The following USP45 variants were observed in gnomAD, a reference collection of about 807,000 sequenced individuals.
USP45 encodes the protein ubiquitin carboxyl-terminal hydrolase 45.
Under a neutral mutation model 95.8 loss-of-function variants are expected in USP45, and 89 were observed. The observed-to-expected ratio is 0.93, with a 90% CI of 0.78 to 1.11. The LOEUF (loss-of-function observed/expected upper bound fraction) is 1.11. USP45 is among the 50% of genes least tolerant of loss of function. The pLI is 0.00. For synonymous variants in USP45, 281 were observed against 316.2 expected, an observed-to-expected ratio of 0.89 and a Z score of 1.18; for missense variants, 898 against 942.5, an observed-to-expected ratio of 0.95 and a Z score of 0.62.
chr6:99,464,801 A>G, intron 12 of USP45, 54 bp from the exon 13 acceptor site: 1 of 1,508,894 alleles, frequency 6.6e-7, no homozygotes, highest in Non-Finnish European at 8.8e-7. Context: ...TAAATTCTGG[A>G]TGTCCTCATC....
chr6:99,507,822 G>A (rs1156247043), intron 3 of USP45, among the ~76,000 whole-genome samples: 1 of 152,166 alleles, frequency 6.6e-6, no homozygotes, highest in East Asian at 1.9e-4. Flanking sequence ...GGCCAGTGGT[G>A]CCCTTCTGCA....
chr6:99,472,907 C>T (rs2128661259), intron 9 of USP45, among the ~76,000 whole-genome samples: 1 of 152,238 alleles, frequency 6.6e-6, no homozygotes, highest in South Asian at 2.1e-4. Context: ...GTTTGGGAGT[C>T]AGAAAGACTT....
chr6:99,466,235 G>A (rs1156905356), intron 11 of USP45, among the ~76,000 whole-genome samples: 1 of 152,234 alleles, frequency 6.6e-6, no homozygotes, highest in Middle Eastern at 3.4e-3. Context: ...GGCCAGGCTA[G>A]TCTTGAATTC....
rs564803273 is a variant in USP45 at position 99,454,748 on chromosome 6, T to C, written c.1309-8285A>G. On this transcript the variant is annotated intron_variant, in intron 13 of 17. Coordinates refer to ENST00000500704, the MANE Select transcript of USP45 (RefSeq NM_001346022.3). ...TTCAAGAATGTGGAGAAAAGGAGTC[T>C]GAAACACGGTTGGTGGGAATGTAAT... Among the ~76,000 whole-genome samples, 5 of 152,328 alleles carry C rather than the reference T, an allele frequency of 3.3e-5. No homozygotes were observed. In the East Asian group the frequency reaches 9.6e-4, roughly 29 times the overall value.
rs140840671 is a variant in USP45 at position 99,480,532 on chromosome 6, G to A, written c.845+2221C>T. 2.3e-3 allele frequency among the ~76,000 whole-genome samples: 344 copies of A among 152,128 alleles called. 2 individuals carry two copies. Among genetic ancestry groups the A allele is most frequent in the Middle Eastern group, 6.8e-3 (2 of 294 alleles). On this transcript the variant is annotated intron_variant, in intron 8 of 17. Transcript: ENST00000500704. ...CTCTAGTAAAAATACAAAATTAGCC[G>A]GGTGTGGTAGCGGGCGCCTGTAATC...
intron 1 of USP45, among the ~76,000 whole-genome samples, chr6:99,513,990 G>T (rs1583520089): frequency 1.3e-5 from 2 of 152,106 alleles, no homozygotes; most frequent in Admixed American, 1.3e-4. Context: ...TAAAAGCCCA[G>T]TACCACTAGG....
chr6:99,474,081 T>C (rs1207020048), intron 9 of USP45, among the ~76,000 whole-genome samples: 1 of 152,264 alleles, frequency 6.6e-6, no homozygotes, highest in East Asian at 1.9e-4. Context: ...GAGAGAGTAA[T>C]TAACTCAATC....
At chr6:99,513,080 A>G (rs757446623) in intron 1 of USP45, among the ~76,000 whole-genome samples, 10 of 152,196 alleles carry the variant, frequency 6.6e-5, no homozygotes, top group Non-Finnish European at 1.3e-4. Context: ...GCAGACATGG[A>G]GAGGGGTTGC....
At position 99,462,152 on chromosome 6, in the gene USP45, AC is replaced by A. The variant is rs1358991253; in HGVS notation, c.1308+2451del. 3 of 981,420 alleles carry A rather than the reference AC, an allele frequency of 3.1e-6. No homozygotes were observed. In the African/African-American group the frequency reaches 5.2e-5, roughly 17 times the overall value. The allele number at this position is 981,420 out of a possible 1,614,324, so 60.8% of individuals were successfully genotyped here. A position where few individuals can be genotyped will look rare whatever the true frequency, so the allele number is the denominator to read the frequency against. Reference sequence around the variant, plus strand: ...AAGGTAACTCTATTACATGAAAAAAACGTTCAATAAAGAATAGGTCCAATAA... The same window carrying A: ...AAGGTAACTCTATTACATGAAAAAAAGTTCAATAAAGAATAGGTCCAATAA... On this transcript the variant is annotated intron_variant, in intron 13 of 17. Transcript: ENST00000500704.
intron 5 of USP45, among the ~76,000 whole-genome samples, chr6:99,492,497 T>A (rs1274340055): frequency 6.9e-6 from 1 of 144,382 alleles, no homozygotes; most frequent in Non-Finnish European, 1.5e-5. Context: ...GAAAATAGAA[T>A]TTTTTTTTTT....
Position 99,488,786 on chromosome 6 carries a change from T to G in USP45, c.513A>C (p.Glu171Asp). 6.3e-7 allele frequency: 1 copy of G among 1,598,820 alleles called. No homozygotes were observed. The highest frequency in any genetic ancestry group is 8.5e-7 in the Non-Finnish European group (1 of 1,174,384). The change falls in exon 6 of 18, where the codon GAA (glutamate) becomes GAC (aspartate). Residue 171 changes from glutamate to aspartate, a missense_variant. Glu to Asp is a conservative substitution (Grantham distance 45, BLOSUM62 2). Coordinates refer to ENST00000500704, the MANE Select transcript of USP45 (RefSeq NM_001346022.3). ...TCTGTATTTCATCTGTTTCACATTT[T>G]TCTTCACAAAGTTTCATGATTCTAG... ...AFSRIMKLCEEKCETDEIQKG... is the reference protein window; with the variant it reads ...AFSRIMKLCEDKCETDEIQKG...
chr6:99,461,668 T>C (rs1268920118), intron 13 of USP45: 1 of 984,238 alleles, frequency 1.0e-6, no homozygotes, highest in Non-Finnish European at 1.2e-6. Flanking sequence ...TTTGTGTGGT[T>C]TTAATGAGAT....
chr6:99,464,648 G>T lies in USP45; in HGVS notation c.1264C>A (p.His422Asn). Residue 422 changes from histidine to asparagine, a missense_variant, in exon 13 of 18, where the codon CAT becomes AAT. Coordinates refer to ENST00000500704, the MANE Select transcript of USP45 (RefSeq NM_001346022.3). ...YSGNVTIENI[H>N]QPRAAKKHSS... ...TGCTTCTTGGCAGCTCTAGGTTGATGAATATTTTCTATAGTAACATTGCCA... is the reference window on the plus strand; with the variant it reads ...TGCTTCTTGGCAGCTCTAGGTTGATTAATATTTTCTATAGTAACATTGCCA... 1 of 1,613,294 alleles carries T rather than the reference G, an allele frequency of 6.2e-7. No homozygotes were observed. The highest frequency in any genetic ancestry group is 8.5e-7 in the Non-Finnish European group (1 of 1,179,792).
chr6:99,480,255 C>T (rs1312912262), intron 8 of USP45, among the ~76,000 whole-genome samples: 1 of 151,968 alleles, frequency 6.6e-6, no homozygotes, highest in African/African-American at 2.4e-5. Context: ...AAATCAAAGA[C>T]CTAGAAAACT....
Position 99,437,335 on chromosome 6 carries a change from A to T in USP45, c.2225T>A (p.Met742Lys). ...ATAAGCAGTGTAGTGGCCTTCTCTC[A>T]TCGAGCCACTATGTTCCACTATGCC... ...LYGIVEHSGS[M>K]REGHYTAYVK... The change falls in exon 17 of 18, where the codon ATG (methionine) becomes AAG (lysine). Residue 742 changes from methionine to lysine, a missense_variant. Physicochemically the swap from Met to Lys is moderately conservative, Grantham distance 95. Transcript: ENST00000500704. 6.2e-7 allele frequency: 1 copy of T among 1,613,434 alleles called. No homozygotes were observed. Among genetic ancestry groups the T allele is most frequent in the Non-Finnish European group, 8.5e-7 (1 of 1,179,486 alleles).
In USP45 at chr6:99,480,929, C is replaced by CA. The variant is rs202203152; in HGVS notation, c.845+1823dup. 3.3e-5 allele frequency among the ~76,000 whole-genome samples: 5 copies of CA among 151,592 alleles called. No homozygotes were observed. In the East Asian group the frequency reaches 5.8e-4, roughly 18 times the overall value. On this transcript the variant is annotated intron_variant, in intron 8 of 17. Transcript: ENST00000500704. ...TTAAAAGTAAACGCCATAAAACAAACAAAAAAAAGGCAATTTAAAACTTTT... is the reference window on the plus strand; with the variant it reads ...TTAAAAGTAAACGCCATAAAACAAACAAAAAAAAAGGCAATTTAAAACTTTT...
intron 7 of USP45, among the ~76,000 whole-genome samples, chr6:99,486,793 T>A (rs1793999965): frequency 6.6e-6 from 1 of 151,894 alleles, no homozygotes; most frequent in Non-Finnish European, 1.5e-5. Context: ...TTTTCAAAAG[T>A]CAGATCATGA....
intron 13 of USP45, among the ~76,000 whole-genome samples, chr6:99,447,924 C>A (rs1334091581): frequency 6.6e-6 from 1 of 152,186 alleles, no homozygotes; most frequent in African/African-American, 2.4e-5. Context: ...TGCTGATATC[C>A]AGGCAAACAG....
At chr6:99,510,924 T>C (rs567993179) in intron 1 of USP45, among the ~76,000 whole-genome samples, 2 of 152,234 alleles carry the variant, frequency 1.3e-5, no homozygotes, top group Admixed American at 6.5e-5. Flanking sequence ...AAGGAAATAG[T>C]AGGAGCTGGA....
Sources: gnomAD v4.1 joint callset for allele counts (sites outside exome capture counted in the v4.1 genomes callset) on GRCh38, gnomAD v4.1.1 for gene constraint, MANE v1.5 for transcripts, NCBI Gene and HGNC (gene_info 2026-07-23, HGNC 2026-07-21) for gene names.